PSD3: variants seen among roughly 807,000 people sequenced by gnomAD.
The protein encoded by PSD3 is pleckstrin and Sec7 domain containing 3.
Under a neutral mutation model 105.5 loss-of-function variants are expected in PSD3, and 49 were observed. That is an observed-to-expected ratio of 0.46 (90% CI 0.37 to 0.59). The LOEUF (loss-of-function observed/expected upper bound fraction) is 0.59, where lower values mean the gene tolerates loss of function less well. Ranked by LOEUF, PSD3 falls within the 20% of genes least tolerant of loss-of-function variation. The pLI, the probability that PSD3 is intolerant of heterozygous loss-of-function variation, is 0.00. For missense variants in PSD3, 1,561 were observed against 1,263.8 expected (o/e 1.24, Z -3.57); for synonymous variants, 557 against 457.8 (o/e 1.22, Z -2.77).
chr8:18,962,948 A>G (rs923201654), intron 1 of PSD3, among the ~76,000 whole-genome samples: 2 of 152,170 alleles, frequency 1.3e-5, no homozygotes, highest in Non-Finnish European at 2.9e-5. Context: ...TACACAACAT[A>G]TGTATTAGTC....
chr8:18,909,298 C>T (rs567719234), intron 2 of PSD3, among the ~76,000 whole-genome samples: 29 of 152,114 alleles, frequency 1.9e-4, no homozygotes, highest in Non-Finnish European at 3.1e-4. Flanking sequence ...ACCGTGGCCC[C>T]ATTAACACCA....
chr8:18,831,895 T>C (rs28478746), intron 4 of PSD3, among the ~76,000 whole-genome samples: 25,059 of 150,764 alleles, frequency 0.17, 2,324 homozygotes, highest in Admixed American at 0.3. Context: ...AGAATAAATA[T>C]AACAAAAAAA....
chr8:18,993,802 G>T (rs1166240953), intron 1 of PSD3, among the ~76,000 whole-genome samples: 3 of 151,988 alleles, frequency 2.0e-5, no homozygotes, highest in Admixed American at 2.0e-4. Context: ...ATGGCAAACA[G>T]GGTATGATTT....
intron 12 of PSD3, among the ~76,000 whole-genome samples, chr8:18,589,913 C>T (rs978412212): frequency 9.2e-5 from 14 of 152,140 alleles, no homozygotes; most frequent in African/African-American, 3.1e-4. Context: ...CCTTGCCTTC[C>T]GTTCTTACTT....
chr8:18,666,805 T>C (rs994742397), intron 9 of PSD3, among the ~76,000 whole-genome samples: 3 of 152,002 alleles, frequency 2.0e-5, no homozygotes, highest in Non-Finnish European at 4.4e-5. Flanking sequence ...GAGAGCAATG[T>C]AAACTACTGT....
chr8:18,829,839 C>T (rs914175219), intron 4 of PSD3, among the ~76,000 whole-genome samples: 2 of 151,974 alleles, frequency 1.3e-5, no homozygotes, highest in Admixed American at 6.6e-5. Context: ...TGTAAAAAGA[C>T]ATTTTTAAAA....
At chr8:18,675,258 G>A (rs571872360) in intron 9 of PSD3, among the ~76,000 whole-genome samples, 1 of 152,312 alleles carries the variant, frequency 6.6e-6, no homozygotes, top group East Asian at 1.9e-4. Flanking sequence ...AGGATCTAGA[G>A]AAGGTCTTAC....
intron 4 of PSD3, among the ~76,000 whole-genome samples, chr8:18,832,251 A>G (rs1415778653): frequency 2.0e-5 from 3 of 152,242 alleles, no homozygotes; most frequent in African/African-American, 7.2e-5. Context: ...GGATAAAAGT[A>G]TAAAGTATAG....
chr8:18,972,509 C>A (rs145341624), intron 1 of PSD3, among the ~76,000 whole-genome samples: 12 of 152,306 alleles, frequency 7.9e-5, no homozygotes, highest in Middle Eastern at 6.8e-3. Context: ...AGTACCTCCA[C>A]CAATGGAGGC....
In PSD3 at chr8:18,819,658, A is replaced by G. The variant is rs932711347; in HGVS notation, c.1635-14760T>C. Among the ~76,000 whole-genome samples, 6 of 137,456 alleles carry G rather than the reference A, an allele frequency of 4.4e-5. No individual in the cohort carries two copies. In the Admixed American group the frequency reaches 5.0e-4, roughly 11 times the overall value. The allele number at this position is 137,456 out of a possible 152,430, so 90.2% of individuals were successfully genotyped here. ...CAGTGGCGCAATCTTGGCTCACTGCAACCTCCGCCTCCAGGGTTCATGTGA... is the reference window on the plus strand; with the variant it reads ...CAGTGGCGCAATCTTGGCTCACTGCGACCTCCGCCTCCAGGGTTCATGTGA... On this transcript the variant is annotated intron_variant, in intron 4 of 15. Coordinates refer to ENST00000327040, the MANE Select transcript of PSD3 (RefSeq NM_015310.4).
At chr8:18,567,623 A>C (rs189671333) in intron 14 of PSD3, among the ~76,000 whole-genome samples, 37 of 152,296 alleles carry the variant, frequency 2.4e-4, no homozygotes, top group African/African-American at 8.4e-4. Context: ...TTAAAAACAG[A>C]AGAATCTTTC....
intron 1 of PSD3, among the ~76,000 whole-genome samples, chr8:18,992,805 TCA>T: frequency 1.6e-5 from 2 of 122,578 alleles, no homozygotes; most frequent in Non-Finnish European, 4.0e-5. Flanking sequence ...TGTCCTTAAT[TCA>T]TTTTCTTTCT....
At chr8:18,689,340 G>A (rs1316365507) in intron 9 of PSD3, among the ~76,000 whole-genome samples, 20 of 152,116 alleles carry the variant, frequency 1.3e-4, no homozygotes, top group Admixed American at 1.3e-3. Flanking sequence ...GATCCCAAGT[G>A]AAATCAACAG....
chr8:18,632,563 G>A, intron 11 of PSD3, 50 bp downstream of exon 11: 1 of 1,531,864 alleles, frequency 6.5e-7, no homozygotes, highest in Non-Finnish European at 8.9e-7. Flanking sequence ...TAAATTTTGA[G>A]CATAAAGATA....
At chr8:18,858,816 A>G (rs948434154) in intron 4 of PSD3, among the ~76,000 whole-genome samples, 8 of 152,226 alleles carry the variant, frequency 5.3e-5, no homozygotes, top group African/African-American at 1.9e-4. Context: ...TTTCCACCAC[A>G]TCTGCAGTTA....
chr8:18,594,487 A>G (rs1045734246), intron 12 of PSD3, among the ~76,000 whole-genome samples: 5 of 137,726 alleles, frequency 3.6e-5, no homozygotes, highest in African/African-American at 8.3e-5. Context: ...AAGAAAGATA[A>G]TATTTTCTTA....
At chr8:18,834,920 T>C (rs1250477841) in intron 4 of PSD3, among the ~76,000 whole-genome samples, 1 of 152,044 alleles carries the variant, frequency 6.6e-6, no homozygotes, top group Non-Finnish European at 1.5e-5. Flanking sequence ...AAAACAGATG[T>C]GAGCAAGCAA....
intron 2 of PSD3, among the ~76,000 whole-genome samples, chr8:18,890,874 C>T (rs562219546): frequency 6.6e-6 from 1 of 152,274 alleles, no homozygotes; most frequent in South Asian, 2.1e-4. Flanking sequence ...TCACAATGAA[C>T]ATTTTGAGAT....
chr8:18,885,702 G>C (rs1818408604), intron 2 of PSD3, among the ~76,000 whole-genome samples: 1 of 152,036 alleles, frequency 6.6e-6, no homozygotes, highest in African/African-American at 2.4e-5. Context: ...TTTCACTAAG[G>C]ATTCAGGCTA....
Sources: gnomAD v4.1 joint callset for allele counts (sites outside exome capture counted in the v4.1 genomes callset) on GRCh38, gnomAD v4.1.1 for gene constraint, MANE v1.5 for transcripts, NCBI Gene and HGNC (gene_info 2026-07-23, HGNC 2026-07-21) for gene names.